Variants in TMEM245 observed in about 807,000 individuals in gnomAD.
TMEM245 encodes the protein transmembrane protein 245, also known as protein CG-2.
A neutral mutation model predicts 101.2 loss-of-function variants in TMEM245; 69 were observed. The observed-to-expected ratio is 0.68, with a 90% CI of 0.56 to 0.83. The LOEUF is 0.83. Among genes scored for constraint, TMEM245 ranks in the 40% least tolerant of loss-of-function variants. The probability of loss-of-function intolerance (pLI) is 0.00; values close to 1 mark genes in which losing one functional copy is unlikely to be tolerated. For missense variants in TMEM245, 1,075 were observed against 1,092.8 expected (o/e 0.98, Z 0.23); for synonymous variants, 537 against 449.8 (o/e 1.19, Z -2.45).
chr9:109,119,117 G>A (rs144251347), intron 1 of TMEM245, among the ~76,000 whole-genome samples: 3,002 of 152,330 alleles, frequency 0.02, 45 homozygotes, highest in Non-Finnish European at 0.03. Context: ...TTGAAACAAG[G>A]CGAAAAGCAG....
intron 14 of TMEM245, among the ~76,000 whole-genome samples, chr9:109,043,594 A>G (rs914589740): frequency 3.9e-5 from 3 of 76,174 alleles, no homozygotes; most frequent in Non-Finnish European, 5.3e-5. Context: ...CTAGCACTCA[A>G]TAGTTGATGA....
chr9:109,095,841 T>G (rs1213732650), intron 3 of TMEM245, among the ~76,000 whole-genome samples: 3 of 152,196 alleles, frequency 2.0e-5, no homozygotes, highest in African/African-American at 4.8e-5. Flanking sequence ...CTCACCACCC[T>G]GTAAATAAAT....
chr9:109,099,726 G>C (rs1374427574), intron 3 of TMEM245, among the ~76,000 whole-genome samples: 1 of 152,152 alleles, frequency 6.6e-6, no homozygotes, highest in Non-Finnish European at 1.5e-5. Context: ...CAGACGCCAA[G>C]GGAACATACT....
chr9:109,035,466 G>C (rs1247226528), intron 16 of TMEM245, among the ~76,000 whole-genome samples: 3 of 152,106 alleles, frequency 2.0e-5, no homozygotes, highest in Non-Finnish European at 4.4e-5. Context: ...TGTTGATTCT[G>C]ACTTAGATTT....
chr9:109,081,001 T>C, intron 7 of TMEM245, 58 bp from the exon 8 acceptor site: 2 of 1,098,354 alleles, frequency 1.8e-6, no homozygotes, highest in East Asian at 2.4e-5. Flanking sequence ...TAAAAATACA[T>C]ATACTCAATT....
At chr9:109,081,513 A>G (rs1829665398) in intron 7 of TMEM245, among the ~76,000 whole-genome samples, 1 of 152,202 alleles carries the variant, frequency 6.6e-6, no homozygotes, top group Non-Finnish European at 1.5e-5. Flanking sequence ...GGCAATGACA[A>G]ATAACAAAGA....
At chr9:109,054,534 G>A (rs1245422390) in intron 12 of TMEM245, among the ~76,000 whole-genome samples, 4 of 152,118 alleles carry the variant, frequency 2.6e-5, no homozygotes, top group African/African-American at 9.7e-5. Context: ...TGAATGTAGA[G>A]AAACCTCAAT....
In TMEM245 at chr9:109,033,512, G is replaced by A; in HGVS notation, c.2400-11C>T. 6.3e-7 allele frequency: 1 copy of A among 1,575,932 alleles called. No homozygotes were observed. The highest frequency in any genetic ancestry group is 8.6e-7 in the Non-Finnish European group (1 of 1,162,548). On this transcript the variant is annotated splice_polypyrimidine_tract_variant and intron_variant, in intron 16 of 17. Transcript: ENST00000374586. ...TAAGGATGGCCACCTCTGGAATAAA[G>A]AGCACGACCTTTAACACACAAAAAC...
intron 7 of TMEM245, among the ~76,000 whole-genome samples, chr9:109,083,099 G>T (rs1234878571): frequency 1.3e-5 from 2 of 150,970 alleles, no homozygotes; most frequent in African/African-American, 4.9e-5. Flanking sequence ...AAAGGAAACA[G>T]AGAAGGTCAA....
chr9:109,087,520 C>G (rs1221035708), intron 5 of TMEM245, among the ~76,000 whole-genome samples, 178 bp from the exon 6 acceptor site: 1 of 152,040 alleles, frequency 6.6e-6, no homozygotes, highest in Admixed American at 6.5e-5. Flanking sequence ...GGAATTGGAC[C>G]AAGTAACTTT....
chr9:109,101,630 T>G (rs1052848573), intron 3 of TMEM245, among the ~76,000 whole-genome samples: 2 of 152,246 alleles, frequency 1.3e-5, no homozygotes, highest in Non-Finnish European at 2.9e-5. Flanking sequence ...TCACCTATCT[T>G]GACACAGGTT....
chr9:109,100,392 C>T (rs897881362), intron 3 of TMEM245, among the ~76,000 whole-genome samples: 14 of 152,184 alleles, frequency 9.2e-5, no homozygotes, highest in Admixed American at 6.5e-4. Flanking sequence ...GGCATGATTA[C>T]TACTCACTGC....
chr9:109,103,062 T>C (rs1272964321), intron 3 of TMEM245, among the ~76,000 whole-genome samples: 1 of 152,242 alleles, frequency 6.6e-6, no homozygotes, highest in African/African-American at 2.4e-5. Context: ...CAAAATAATC[T>C]TTAAAAGCAC....
chr9:109,036,104 A>G (rs1828113345), intron 16 of TMEM245, 102 bp downstream of exon 16: 3 of 870,930 alleles, frequency 3.4e-6, no homozygotes, highest in Non-Finnish European at 4.9e-6. Context: ...TCCTACTACC[A>G]GTTCTTTTGT....
At chr9:109,053,001 T>G (rs1230376118) in intron 12 of TMEM245, among the ~76,000 whole-genome samples, 1 of 152,298 alleles carries the variant, frequency 6.6e-6, no homozygotes, top group East Asian at 1.9e-4. Context: ...TTCTAGAATA[T>G]TAACTAAATC....
At chr9:109,110,915 T>G (rs1476376666) in intron 1 of TMEM245, among the ~76,000 whole-genome samples, 1 of 152,188 alleles carries the variant, frequency 6.6e-6, no homozygotes, top group Non-Finnish European at 1.5e-5. Context: ...TGAGTCAGCC[T>G]ATGACTAGTA....
In TMEM245 at chr9:109,064,550, T is replaced by A; in HGVS notation, c.1550A>T (p.Gln517Leu). The A allele has an allele frequency of 6.2e-7, 1 of 1,613,698 alleles. No individual in the cohort carries two copies. The highest frequency in any genetic ancestry group is 8.5e-7 in the Non-Finnish European group (1 of 1,179,724). The stretch of plus-strand genomic sequence containing the variant: ...AGAATTCAGGGCTCTTTGGACTACC[T>A]GAGCCTCAGGAAGCCAACTAATGTA... ...PEWANWLPEA[Q>L]VVQRALNSAA... Residue 517 changes from glutamine to leucine, a missense_variant, in exon 10 of 18, where the codon CAG (glutamine) becomes CTG (leucine). Around this residue, in one of 2 missense-constraint regions of TMEM245, gnomAD observed 808 missense variants for 741.5 expected, o/e 1.09. Transcript: ENST00000374586.
rs756373584 is a variant in TMEM245 at position 109,036,375 on chromosome 9, C to T, written c.2230G>A (p.Ala744Thr). 2 of 1,576,720 alleles carry T rather than the reference C, an allele frequency of 1.3e-6. No homozygotes were observed. Among genetic ancestry groups the T allele is most frequent in the South Asian group, 2.4e-5 (2 of 84,156 alleles). Residue 744 changes from alanine (A) to threonine (T), a missense_variant, in exon 16 of 18, where the codon GCA becomes ACA. Transcript: ENST00000374586. Reference protein sequence around the residue: ...INIVFIPSALAAILGAVPFLG... With the variant: ...INIVFIPSALTAILGAVPFLG... ...AATGGCACTGCTCCAAGGATTGCTG[C>T]TAATGCTGAAAAAAGAGTAAAAGAA...
Position 109,093,577 on chromosome 9 carries a change from C to T in TMEM245, c.814G>A (p.Gly272Arg), listed in dbSNP as rs1564203058. The T allele has an allele frequency of 3.7e-6, 6 of 1,613,912 alleles. No homozygotes were observed. In the East Asian group the frequency reaches 1.1e-4, roughly 30 times the overall value. The change falls in exon 4 of 18, where the codon GGG becomes AGG. Residue 272 changes from glycine to arginine, a missense_variant. This residue lies in a region of TMEM245 where 808 missense variants were observed against 741.5 expected (regional missense o/e 1.09). Coordinates refer to ENST00000374586, the MANE Select transcript of TMEM245 (RefSeq NM_032012.4). ...GKESSGAELP[G>R]QVISMAASTL... ...GAAGCTGCCATGGAGATAACCTGCC[C>T]TGGTAACTCTGCCCCTGTAAAAGAA...
Sources: allele counts gnomAD v4.1 joint callset (sites outside exome capture counted in the v4.1 genomes callset), GRCh38; gene constraint gnomAD v4.1.1; regional missense constraint gnomAD v4.1.1; transcripts MANE v1.5; gene names NCBI Gene and HGNC (gene_info 2026-07-23, HGNC 2026-07-21).